The following ZCCHC7 variants were observed in gnomAD, a reference collection of about 807,000 sequenced individuals.
ZCCHC7 encodes zinc finger CCHC-type containing 7.
A neutral mutation model predicts 52.0 loss-of-function variants in ZCCHC7; 35 were observed. The observed-to-expected ratio is 0.67, with a 90% CI of 0.51 to 0.89. The LOEUF is 0.89. Ranked by LOEUF, ZCCHC7 falls within the 40% of genes least tolerant of loss-of-function variation. The pLI, the probability that ZCCHC7 is intolerant of heterozygous loss-of-function variation, is 0.00. For synonymous variants in ZCCHC7, 217 were observed against 221.5 expected, an observed-to-expected ratio of 0.98 and a Z score of 0.18; for missense variants, 574 against 649.1, an observed-to-expected ratio of 0.88 and a Z score of 1.26.
At chr9:37,332,676 A>G (rs1337371365) in intron 6 of ZCCHC7, among the ~76,000 whole-genome samples, 1 of 151,314 alleles carries the variant, frequency 6.6e-6, no homozygotes, top group Non-Finnish European at 1.5e-5. Flanking sequence ...GCCAGAACTT[A>G]TCATTGGAAA....
intron 6 of ZCCHC7, among the ~76,000 whole-genome samples, chr9:37,346,190 A>G (rs775779781): frequency 6.6e-6 from 1 of 152,266 alleles, no homozygotes; most frequent in Admixed American, 6.5e-5. Flanking sequence ...TTTAGTAGAA[A>G]TGAGGCTTCT....
At chr9:37,191,003 CAA>C (rs1480731385) in intron 2 of ZCCHC7, among the ~76,000 whole-genome samples, 3 of 146,350 alleles carry the variant, frequency 2.0e-5, no homozygotes, top group African/African-American at 7.6e-5. Context: ...GCCTGGGCAT[CAA>C]GAGCAAAACT....
At chr9:37,316,522 G>A (rs1342120093) in intron 5 of ZCCHC7, among the ~76,000 whole-genome samples, 1 of 150,844 alleles carries the variant, frequency 6.6e-6, no homozygotes, top group East Asian at 1.9e-4. Flanking sequence ...ATGGGGTTTC[G>A]CCATGTTGTC....
intron 2 of ZCCHC7, among the ~76,000 whole-genome samples, chr9:37,278,034 GTGTTT>G (rs370369181): frequency 0.051 from 7,351 of 142,882 alleles, 597 homozygotes; most frequent in African/African-American, 0.18. Context: ...GTGTGTGTGT[GTGTTT>G]TGTTTTGTTT....
At position 37,151,820 on chromosome 9, in the gene ZCCHC7, C is replaced by G. The variant is rs986220771; in HGVS notation, c.610+24878C>G. On this transcript the variant is annotated intron_variant, in intron 2 of 8. Coordinates refer to ENST00000336755, the MANE Select transcript of ZCCHC7 (RefSeq NM_032226.3). The stretch of plus-strand genomic sequence containing the variant: ...ACTCCATCTCAAAGAAAAAAAAAAT[C>G]TTTTTTCTTCGACTCTAAGATGATG... Among the ~76,000 whole-genome samples, 4 of 151,910 alleles carry G rather than the reference C, an allele frequency of 2.6e-5. No homozygotes were observed. The South Asian group carries it at 8.3e-4, about 32-fold the overall frequency.
chr9:37,298,234 T>A (rs2133676207), intron 2 of ZCCHC7, among the ~76,000 whole-genome samples: 1 of 151,772 alleles, frequency 6.6e-6, no homozygotes, highest in Non-Finnish European at 1.5e-5. Flanking sequence ...GCAGAATAGT[T>A]CCACAAATGG....
chr9:37,317,677 C>G (rs1249814510), intron 5 of ZCCHC7, among the ~76,000 whole-genome samples: 3 of 151,994 alleles, frequency 2.0e-5, no homozygotes, highest in African/African-American at 7.3e-5. Context: ...ACAAAGGAAA[C>G]TCACGTAGTA....
At chr9:37,223,811 G>A (rs910411079) in intron 2 of ZCCHC7, among the ~76,000 whole-genome samples, 1 of 152,036 alleles carries the variant, frequency 6.6e-6, no homozygotes, top group Non-Finnish European at 1.5e-5. Flanking sequence ...CTGTGGTATA[G>A]TCTATAACCA....
At chr9:37,237,669 G>C (rs968522329) in intron 2 of ZCCHC7, among the ~76,000 whole-genome samples, 1 of 152,106 alleles carries the variant, frequency 6.6e-6, no homozygotes, top group African/African-American at 2.4e-5. Context: ...ACAAAATAAG[G>C]CATAGTTCTT....
intron 2 of ZCCHC7, among the ~76,000 whole-genome samples, chr9:37,152,293 G>A (rs906511558): frequency 3.3e-5 from 5 of 151,602 alleles, no homozygotes; most frequent in African/African-American, 1.2e-4. Flanking sequence ...TGCAAAGATA[G>A]TGCAGGGAGT....
chr9:37,168,248 C>T (rs766653745), intron 2 of ZCCHC7, among the ~76,000 whole-genome samples: 14 of 152,144 alleles, frequency 9.2e-5, no homozygotes, highest in Admixed American at 2.6e-4. Context: ...GTGTTTTAAA[C>T]GCTTTTTCAT....
intron 2 of ZCCHC7, among the ~76,000 whole-genome samples, chr9:37,216,662 G>C (rs1362780620): frequency 6.6e-6 from 1 of 152,156 alleles, no homozygotes; most frequent in East Asian, 1.9e-4. Flanking sequence ...CAACAAGAGA[G>C]AGACTCTGTC....
intron 2 of ZCCHC7, among the ~76,000 whole-genome samples, chr9:37,230,301 G>C (rs1488365368): frequency 2.0e-5 from 3 of 152,082 alleles, no homozygotes; most frequent in Non-Finnish European, 4.4e-5. Flanking sequence ...CGGTAGGTTT[G>C]TTTACACAAA....
intron 2 of ZCCHC7, among the ~76,000 whole-genome samples, chr9:37,295,658 G>C (rs953851556): frequency 6.6e-6 from 1 of 152,106 alleles, no homozygotes; most frequent in Non-Finnish European, 1.5e-5. Flanking sequence ...AACAGACTAT[G>C]GTGCAAGTCA....
At chr9:37,314,585 C>G (rs1829729418) in intron 5 of ZCCHC7, among the ~76,000 whole-genome samples, 2 of 151,914 alleles carry the variant, frequency 1.3e-5, no homozygotes, top group African/African-American at 2.4e-5. Flanking sequence ...CTAAAAGATT[C>G]ACCAAATCTT....
intron 2 of ZCCHC7, among the ~76,000 whole-genome samples, chr9:37,259,881 C>T (rs1239344638): frequency 6.6e-6 from 1 of 152,142 alleles, no homozygotes; most frequent in Non-Finnish European, 1.5e-5. Context: ...AATAATCCTT[C>T]TCATTAACAG....
chr9:37,281,386 C>T (rs1360501509), intron 2 of ZCCHC7, among the ~76,000 whole-genome samples: 1 of 152,164 alleles, frequency 6.6e-6, no homozygotes, highest in Non-Finnish European at 1.5e-5. Flanking sequence ...AGGTGAAATT[C>T]TCTCAGTTTT....
intron 6 of ZCCHC7, among the ~76,000 whole-genome samples, chr9:37,345,522 T>A (rs983110260): frequency 2.0e-5 from 3 of 151,944 alleles, no homozygotes; most frequent in Non-Finnish European, 4.4e-5. Context: ...GAAGTCAGGA[T>A]CAACCTGACC....
In ZCCHC7 at chr9:37,357,124, C is replaced by T; in HGVS notation, c.1488C>T (p.His496=). 1 of 1,613,626 alleles carries T rather than the reference C, an allele frequency of 6.2e-7. No homozygotes were observed. Among genetic ancestry groups the T allele is most frequent in the Non-Finnish European group, 8.5e-7 (1 of 1,179,938 alleles). The change falls in exon 9 of 9, where the codon CAC becomes CAT. Residue 496 remains histidine (H), a synonymous_variant. Coordinates refer to ENST00000336755, the MANE Select transcript of ZCCHC7 (RefSeq NM_032226.3). ...FKTQKPSKPF[H]RSSHYHTSRE... is the part of the protein sequence containing the mutation. The stretch of plus-strand genomic sequence containing the variant: ...CCCAGAAGCCTTCTAAGCCCTTTCA[C>T]CGTTCATCACATTACCACACGTCAA...
Sources: gnomAD v4.1 joint callset for allele counts (sites outside exome capture counted in the v4.1 genomes callset) on GRCh38, gnomAD v4.1.1 for gene constraint, MANE v1.5 for transcripts, NCBI Gene and HGNC (gene_info 2026-07-23, HGNC 2026-07-21) for gene names.